The following NKD2 variants were observed in gnomAD, a reference collection of about 807,000 sequenced individuals.
The protein encoded by NKD2 is protein naked cuticle homolog 2.
In NKD2, 43 loss-of-function variants were observed where a neutral mutation model predicts 34.8. The ratio of observed to expected loss-of-function variants is 1.24; its 90% CI spans 0.97 to 1.60. The LOEUF (loss-of-function observed/expected upper bound fraction) is 1.60. Ranked by LOEUF, NKD2 falls within the 40% of genes most tolerant of loss-of-function variation. NKD2 has a pLI of 0.00. For synonymous variants in NKD2, 278 were observed against 265.1 expected, an observed-to-expected ratio of 1.05 and a Z score of -0.47; for missense variants, 675 against 627.1, an observed-to-expected ratio of 1.08 and a Z score of -0.82.
At chr5:1,012,328 G>C (rs1294832361) in intron 3 of NKD2, among the ~76,000 whole-genome samples, 2 of 152,260 alleles carry the variant, frequency 1.3e-5, no homozygotes, top group Non-Finnish European at 2.9e-5. Flanking sequence ...AGACCAGCCA[G>C]TGCGTGGAGG....
At chr5:1,023,691 T>G (rs374970863) in intron 3 of NKD2, among the ~76,000 whole-genome samples, 1 of 1,738 alleles carries the variant, frequency 5.8e-4, no homozygotes, top group African/African-American at 6.1e-4. Context: ...CTTCCCACCC[T>G]CTGTGGGCGT....
At chr5:1,025,881 C>T (rs1756371486) in intron 3 of NKD2, among the ~76,000 whole-genome samples, 1 of 112,400 alleles carries the variant, frequency 8.9e-6, no homozygotes, top group African/African-American at 3.5e-5. Context: ...GGCGTCCCAG[C>T]CCGTTGTCCC....
Position 1,032,169 on chromosome 5 carries a change from C to T in NKD2, c.159C>T (p.Asp53=). The T allele has an allele frequency of 1.2e-6, 2 of 1,611,114 alleles. No homozygotes were observed. The highest frequency in any genetic ancestry group is 1.7e-6 in the Non-Finnish European group (2 of 1,179,196). The change falls in exon 4 of 10, where the codon GAC becomes GAT. Residue 53 remains aspartate, a synonymous_variant. Coordinates refer to ENST00000296849, the MANE Select transcript of NKD2 (RefSeq NM_033120.4). The stretch of plus-strand genomic sequence containing the variant: ...TCCTGCAGGAGCTGCCCAATGGGGA[C>T]CCCAAGGAGGGGCCTTTCCGGGAGG... The part of the protein sequence containing the change: ...ARDKQELPNG[D]PKEGPFREDQ...
Position 1,038,704 on chromosome 5 carries a change from G to A in NKD2, c.*331G>A. 3.5e-6 allele frequency: 2 copies of A among 572,624 alleles called. No homozygotes were observed. The allele number at this position is 572,624 out of a possible 1,614,324, so 35.5% of individuals were successfully genotyped here. A position where few individuals can be genotyped will look rare whatever the true frequency, so the allele number is the denominator to read the frequency against. ...AAAATGAGGCCCTGGAGTGCGCAAG[G>A]AGTGCCCGGATGCTTGGGGTGGGTG... On this transcript the variant is annotated 3_prime_UTR_variant, in exon 10 of 10. Coordinates refer to ENST00000296849, the MANE Select transcript of NKD2 (RefSeq NM_033120.4). This position sits in a 1 kb window ranked among gnomAD's most constrained non-coding sequence, Gnocchi z 4.5.
rs916865348 is a variant in NKD2 at position 1,038,581 on chromosome 5, C to G, written c.*208C>G. ...CAAGGCCCAGGCGCCCTCTGCTCTT[C>G]TGCCCTCGATGCCACATGGCGGTGA... On this transcript the variant is annotated 3_prime_UTR_variant, in exon 10 of 10. Transcript: ENST00000296849. This position sits in a 1 kb window ranked among gnomAD's most constrained non-coding sequence, Gnocchi z 4.5. 3.0e-6 allele frequency: 3 copies of G among 989,590 alleles called. No homozygotes were observed. In the Admixed American group the frequency reaches 6.0e-5, roughly 20 times the overall value. The allele number at this position is 989,590 out of a possible 1,614,324, so 61.3% of individuals were successfully genotyped here. A position where few individuals can be genotyped will look rare whatever the true frequency, so the allele number is the denominator to read the frequency against.
At chr5:1,027,841 G>A (rs565564946) in intron 3 of NKD2, among the ~76,000 whole-genome samples, 2 of 152,156 alleles carry the variant, frequency 1.3e-5, no homozygotes, top group Admixed American at 1.3e-4. Context: ...AGAGGACATC[G>A]CCCGCTCCAG....
intron 3 of NKD2, among the ~76,000 whole-genome samples, chr5:1,028,160 C>T (rs547846464): frequency 7.8e-4 from 119 of 152,206 alleles, no homozygotes; most frequent in African/African-American, 2.4e-3. Context: ...GCTGGGAGGA[C>T]GAAGCGCTCA....
intron 8 of NKD2, 89 bp downstream of exon 8, chr5:1,035,562 C>T (rs1255399734): frequency 2.7e-5 from 27 of 1,018,104 alleles, no homozygotes; most frequent in Non-Finnish European, 3.7e-5. Context: ...AGGCCACAGG[C>T]CACACACCAT....
At chr5:1,037,724 A>G in intron 9 of NKD2, 81 bp from the exon 10 acceptor site, 2 of 1,567,330 alleles carry the variant, frequency 1.3e-6, no homozygotes, top group South Asian at 2.3e-5. Context: ...CAGCTCTTCC[A>G]GTGGGCCCTG....
chr5:1,010,506 G>A (rs1288945832), intron 3 of NKD2, among the ~76,000 whole-genome samples: 1 of 152,206 alleles, frequency 6.6e-6, no homozygotes, highest in African/African-American at 2.4e-5. Flanking sequence ...GTCTTGAGAA[G>A]GGGCTTAGGT....
chr5:1,035,065 T>G (rs1733794995), intron 7 of NKD2, among the ~76,000 whole-genome samples, 162 bp downstream of exon 7: 1 of 151,384 alleles, frequency 6.6e-6, no homozygotes, highest in Non-Finnish European at 1.5e-5. Context: ...AGTGAGAGAG[T>G]AAGTGGGTGA....
chr5:1,034,320 T>C lies in NKD2; in HGVS notation c.416T>C (p.Val139Ala), dbSNP rs1305895402. Residue 139 changes from valine to alanine, a missense_variant, in exon 6 of 10, where the codon GTC becomes GCC. Val to Ala is a moderately conservative substitution (Grantham distance 64). Coordinates refer to ENST00000296849, the MANE Select transcript of NKD2 (RefSeq NM_033120.4). ...TLYDFDNCGK[V>A]TREDMSSLMH... Reference sequence around the variant, plus strand: ...TATGACTTTGACAACTGCGGGAAGGTCACCAGGGAGGTAGGTGAGCTTGTG... The same window carrying C: ...TATGACTTTGACAACTGCGGGAAGGCCACCAGGGAGGTAGGTGAGCTTGTG... 2.5e-6 allele frequency: 4 copies of C among 1,612,182 alleles called. No individual in the cohort carries two copies. The highest frequency in any genetic ancestry group is 1.3e-5 in the African/African-American group (1 of 74,914).
At chr5:1,026,674 C>T (rs371547521) in intron 3 of NKD2, among the ~76,000 whole-genome samples, 1 of 152,246 alleles carries the variant, frequency 6.6e-6, no homozygotes, top group Non-Finnish European at 1.5e-5. Flanking sequence ...CCTGAGAGGC[C>T]CAGCTCCAGC....
chr5:1,025,925 A>T (rs550362068), intron 3 of NKD2, among the ~76,000 whole-genome samples: 15 of 19,982 alleles, frequency 7.5e-4, no homozygotes, highest in Non-Finnish European at 1.1e-3. Flanking sequence ...GTCCCAGCCC[A>T]TTGTCCCTGC....
In NKD2 at chr5:1,036,242, CTG is replaced by C. The variant is rs565678577; in HGVS notation, c.660-12_660-11del. 58 of 1,581,500 alleles carry C rather than the reference CTG, an allele frequency of 3.7e-5. No homozygotes were observed. In the African/African-American group the frequency reaches 6.6e-4, roughly 18 times the overall value. On this transcript the variant is annotated splice_polypyrimidine_tract_variant and intron_variant, in intron 8 of 9. Coordinates refer to ENST00000296849, the MANE Select transcript of NKD2 (RefSeq NM_033120.4). Reference sequence around the variant, plus strand: ...GTCTGTGCGGGGGTCAGGCCCTTCTCTGTGCTCCAAGCAGGAGGCCCAGTACT... The same window carrying C: ...GTCTGTGCGGGGGTCAGGCCCTTCTCTGCTCCAAGCAGGAGGCCCAGTACT...
chr5:1,032,063 G>C (rs967809139), intron 3 of NKD2, 89 bp from the exon 4 acceptor site: 4 of 1,054,034 alleles, frequency 3.8e-6, no homozygotes, highest in Admixed American at 3.6e-5. Flanking sequence ...CGAGTGTCAG[G>C]CTCCAGTCCA....
chr5:1,028,498 G>A (rs1282204557), intron 3 of NKD2, among the ~76,000 whole-genome samples: 1 of 152,132 alleles, frequency 6.6e-6, no homozygotes, highest in Admixed American at 6.5e-5. Flanking sequence ...GAGGCCCCAC[G>A]GGGCAGGCCC....
intron 4 of NKD2, 90 bp from the exon 5 acceptor site, chr5:1,033,282 G>C (rs990215167): frequency 8.1e-7 from 1 of 1,237,884 alleles, no homozygotes; most frequent in Non-Finnish European, 1.1e-6. Context: ...ATCATGGTGT[G>C]GTGAGGGGAG....
intron 3 of NKD2, among the ~76,000 whole-genome samples, chr5:1,019,660 A>G (rs1375071498): frequency 6.6e-6 from 1 of 152,202 alleles, no homozygotes; most frequent in African/African-American, 2.4e-5. Flanking sequence ...GCTGTAATCA[A>G]ATATAAGCCC....
Sources: gnomAD v4.1 joint callset for allele counts (sites outside exome capture counted in the v4.1 genomes callset) on GRCh38, gnomAD v4.1.1 for gene constraint, Gnocchi (gnomAD v3.1) non-coding constraint, MANE v1.5 for transcripts, NCBI Gene and HGNC (gene_info 2026-07-23, HGNC 2026-07-21) for gene names.